The following OPA1 variants were observed in gnomAD, a reference collection of about 807,000 sequenced individuals.
OPA1 encodes the protein OPA1 mitochondrial dynamin like GTPase.
A neutral mutation model predicts 152.9 loss-of-function variants in OPA1; 59 were observed. The observed-to-expected ratio is 0.39, with a 90% CI of 0.31 to 0.48. OPA1 has a LOEUF of 0.48. Ranked by LOEUF, OPA1 falls within the 20% of genes least tolerant of loss-of-function variation. The pLI is 0.96. For synonymous variants in OPA1, 400 were observed against 389.9 expected, an observed-to-expected ratio of 1.03 and a Z score of -0.31; for missense variants, 1,008 against 1,216.8, an observed-to-expected ratio of 0.83 and a Z score of 2.55.
At position 193,626,125 on chromosome 3, in the gene OPA1, C is replaced by G. The variant is rs1131691832; in HGVS notation, c.712C>G (p.Gln238Glu). Residue 238 changes from glutamine (Q) to glutamate (E), a missense_variant, in exon 7 of 31, where the codon CAA becomes GAA. Transcript: ENST00000361510. ...LLGELILLQQ[Q>E]IQEHEEEARR... ...TGGTGAGCTCATTCTCTTACAACAACAAATTCAAGAGCATGAAGAGGAAGC... is the reference window on the plus strand; with the variant it reads ...TGGTGAGCTCATTCTCTTACAACAAGAAATTCAAGAGCATGAAGAGGAAGC... 6.2e-7 allele frequency: 1 copy of G among 1,614,056 alleles called. No individual in the cohort carries two copies. Among genetic ancestry groups the G allele is most frequent in the Non-Finnish European group, 8.5e-7 (1 of 1,179,966 alleles).
chr3:193,673,415 G>C (rs923813167), intron 29 of OPA1, among the ~76,000 whole-genome samples: 1 of 152,180 alleles, frequency 6.6e-6, no homozygotes, highest in African/African-American at 2.4e-5. Context: ...GAACAGTACA[G>C]TGTGCATGAA....
intron 26 of OPA1, among the ~76,000 whole-genome samples, chr3:193,664,427 T>C (rs1716040317): frequency 6.6e-6 from 1 of 151,742 alleles, no homozygotes; most frequent in South Asian, 2.1e-4. Flanking sequence ...GTGGTAGGGA[T>C]CATATTGGTA....
intron 29 of OPA1, chr3:193,668,480 G>GC (rs1717169802): frequency 6.4e-7 from 1 of 1,550,830 alleles, no homozygotes; most frequent in Non-Finnish European, 8.7e-7. Flanking sequence ...GACGCTTTGT[G>GC]CCAGGTGCCT....
At chr3:193,667,705 T>C (rs1370262707) in intron 29 of OPA1, among the ~76,000 whole-genome samples, 1 of 151,948 alleles carries the variant, frequency 6.6e-6, no homozygotes, top group African/African-American at 2.4e-5. Context: ...ACAAGGAATT[T>C]TTTTCTTCTC....
chr3:193,667,149 TTTTTAAC>T lies in OPA1; in HGVS notation c.2873-17_2873-11del. On this transcript the variant is annotated splice_polypyrimidine_tract_variant and intron_variant, in intron 28 of 30. Transcript: ENST00000361510. ...TTTATAAAAACGATGCTCCTCAGGT[TTTTTAAC>T]TTTCTTTAAACAGTTAGGCGATTAG... 1 of 1,203,296 alleles carries T rather than the reference TTTTTAAC, an allele frequency of 8.3e-7. No individual in the cohort carries two copies. The highest frequency in any genetic ancestry group is 1.2e-6 in the Non-Finnish European group (1 of 804,946). The allele number at this position is 1,203,296 out of a possible 1,614,324, so 74.5% of individuals were successfully genotyped here.
intron 1 of OPA1, among the ~76,000 whole-genome samples, chr3:193,611,415 G>A (rs958541649): frequency 3.9e-5 from 6 of 152,016 alleles, no homozygotes; most frequent in Non-Finnish European, 8.8e-5. Flanking sequence ...TGGCTAAGAT[G>A]GTGAAATCCC....
At chr3:193,635,199 T>C (rs1273026808) in intron 8 of OPA1, among the ~76,000 whole-genome samples, 1 of 152,196 alleles carries the variant, frequency 6.6e-6, no homozygotes, top group African/African-American at 2.4e-5. Flanking sequence ...CCAAGTGAAA[T>C]TCTTAATTAT....
At chr3:193,632,667 G>C (rs1394428707) in intron 8 of OPA1, among the ~76,000 whole-genome samples, 1 of 151,990 alleles carries the variant, frequency 6.6e-6, no homozygotes, top group Non-Finnish European at 1.5e-5. Flanking sequence ...CCAGGAGTTT[G>C]AGACCAGCTT....
At chr3:193,625,608 T>G (rs893853310) in intron 6 of OPA1, among the ~76,000 whole-genome samples, 2 of 152,118 alleles carry the variant, frequency 1.3e-5, no homozygotes, top group Admixed American at 6.5e-5. Context: ...AACTTGATGA[T>G]GGAAACCTGT....
At chr3:193,611,570 C>A (rs1293974616) in intron 1 of OPA1, among the ~76,000 whole-genome samples, 3 of 137,850 alleles carry the variant, frequency 2.2e-5, no homozygotes, top group Non-Finnish European at 4.5e-5. Context: ...ACACTCTAGC[C>A]TGGGTGACAG....
chr3:193,668,708 T>C (rs988423720), intron 29 of OPA1: 1 of 1,353,672 alleles, frequency 7.4e-7, no homozygotes, highest in Non-Finnish European at 9.6e-7. Context: ...GGTCAGGCAT[T>C]AACACCTGCA....
At chr3:193,690,014 GAA>G (rs56020929) in intron 29 of OPA1, among the ~76,000 whole-genome samples, 16 of 136,116 alleles carry the variant, frequency 1.2e-4, no homozygotes, top group Admixed American at 5.1e-4. Flanking sequence ...TACATTCACT[GAA>G]AAAAAAAAAA....
chr3:193,683,882 T>C (rs1720554968), intron 29 of OPA1, among the ~76,000 whole-genome samples: 1 of 152,244 alleles, frequency 6.6e-6, no homozygotes, highest in Non-Finnish European at 1.5e-5. Flanking sequence ...TTTATTGTGA[T>C]ATACGCTTTA....
At chr3:193,634,826 C>G (rs1732696411) in intron 8 of OPA1, among the ~76,000 whole-genome samples, 1 of 152,164 alleles carries the variant, frequency 6.6e-6, no homozygotes, top group Non-Finnish European at 1.5e-5. Flanking sequence ...ACTAAGTGAC[C>G]TTGGTCAGGC....
intron 29 of OPA1, among the ~76,000 whole-genome samples, chr3:193,685,314 A>AT (rs1330211370): frequency 6.6e-6 from 1 of 152,106 alleles, no homozygotes; most frequent in Non-Finnish European, 1.5e-5. Flanking sequence ...AAAAAAAAAA[A>AT]GCTGAATTTA....
At position 193,695,215 on chromosome 3, in the gene OPA1, T is replaced by C. The variant is rs1250729324; in HGVS notation, c.*615T>C. ...CAGTGAAAGAAATTTCAACCCTTCA[T>C]AGCCAGCGAAGAAATTTGCCTTGGA... is the stretch of plus-strand genomic sequence containing the variant. On this transcript the variant is annotated 3_prime_UTR_variant, in exon 31 of 31. Transcript: ENST00000361510. 6.6e-6 allele frequency: 1 copy of C among 152,220 alleles called. No individual in the cohort carries two copies. Among genetic ancestry groups the C allele is most frequent in the East Asian group, 1.9e-4 (1 of 5,196 alleles). 9.4% of individuals were successfully genotyped at this position (152,220 alleles called of 1,614,324 possible). A position where few individuals can be genotyped will look rare whatever the true frequency, so the allele number is the denominator to read the frequency against.
intron 3 of OPA1, among the ~76,000 whole-genome samples, chr3:193,616,766 T>C (rs1295589503): frequency 6.6e-6 from 1 of 152,212 alleles, no homozygotes; most frequent in Non-Finnish European, 1.5e-5. Context: ...CTTTGTCAGA[T>C]TTCTTAGTTT....
chr3:193,663,066 CTT>C, intron 26 of OPA1, 104 bp downstream of exon 26: 1 of 1,183,532 alleles, frequency 8.4e-7, no homozygotes, highest in South Asian at 1.3e-5. Context: ...CTTAATTTGA[CTT>C]TTGTCACGTG....
chr3:193,620,623 T>TA (rs11452498), intron 6 of OPA1, among the ~76,000 whole-genome samples: 75,058 of 151,418 alleles, frequency 0.5, 18,938 homozygotes, highest in African/African-American at 0.57. Context: ...ACTTACCAAT[T>TA]TTTTTTTTAA....
Sources: gnomAD v4.1 joint callset for allele counts (sites outside exome capture counted in the v4.1 genomes callset) on GRCh38, gnomAD v4.1.1 for gene constraint, MANE v1.5 for transcripts, NCBI Gene and HGNC (gene_info 2026-07-23, HGNC 2026-07-21) for gene names.